Variants in RBFOX1 observed in about 807,000 individuals in gnomAD.
The protein encoded by RBFOX1 is RNA binding protein fox-1 homolog 1.
A neutral mutation model predicts 57.7 loss-of-function variants in RBFOX1; 8 were observed. The observed-to-expected ratio is 0.14, with a 90% confidence interval of 0.08 to 0.25. The LOEUF (loss-of-function observed/expected upper bound fraction) is 0.25. Ranked by LOEUF, RBFOX1 falls within the 10% of genes least tolerant of loss-of-function variation. The pLI is 1.00. For missense variants in RBFOX1, 611 were observed against 548.5 expected (o/e 1.11, Z -1.14); for synonymous variants, 326 against 222.4 (o/e 1.47, Z -4.15).
intron 3 of RBFOX1, among the ~76,000 whole-genome samples, chr16:6,697,263 G>A (rs2061194454): frequency 6.6e-6 from 1 of 152,136 alleles, no homozygotes; most frequent in Admixed American, 6.6e-5. Context: ...TAAATTTTCT[G>A]CATCTTAAGT....
At chr16:5,640,018 G>T (rs188505557) in intron 3 of RBFOX1, among the ~76,000 whole-genome samples, 56 of 152,302 alleles carry the variant, frequency 3.7e-4, no homozygotes, top group African/African-American at 1.3e-3. Flanking sequence ...TCCCCGTGGT[G>T]CTGGGTGCTG....
At chr16:7,107,738 G>A (rs1473652712) in intron 4 of RBFOX1, among the ~76,000 whole-genome samples, 2 of 152,032 alleles carry the variant, frequency 1.3e-5, no homozygotes, top group African/African-American at 4.8e-5. Flanking sequence ...AGGAGGTGGA[G>A]TTACTTTTTA....
chr16:6,974,958 A>G (rs916154950), intron 3 of RBFOX1, among the ~76,000 whole-genome samples: 1 of 152,156 alleles, frequency 6.6e-6, no homozygotes, highest in African/African-American at 2.4e-5. Flanking sequence ...GATTGTTCTA[A>G]AAGAATCTTC....
intron 4 of RBFOX1, among the ~76,000 whole-genome samples, chr16:7,197,782 G>C (rs1407168640): frequency 6.6e-6 from 1 of 152,074 alleles, no homozygotes; most frequent in Non-Finnish European, 1.5e-5. Context: ...CTACAATGTA[G>C]ATGAGAGCAT....
chr16:6,887,775 G>C (rs2064445039), intron 3 of RBFOX1, among the ~76,000 whole-genome samples: 1 of 151,772 alleles, frequency 6.6e-6, no homozygotes, highest in African/African-American at 2.4e-5. Context: ...TGATTCTCCA[G>C]CCTCAGCCTC....
chr16:6,336,091 G>C (rs2083624921), intron 2 of RBFOX1, among the ~76,000 whole-genome samples: 1 of 131,460 alleles, frequency 7.6e-6, no homozygotes, highest in Non-Finnish European at 1.6e-5. Flanking sequence ...ACAACAAATG[G>C]ATACTTGCAA....
intron 3 of RBFOX1, among the ~76,000 whole-genome samples, chr16:6,666,450 G>T (rs2098733319): frequency 6.8e-6 from 1 of 147,700 alleles, no homozygotes; most frequent in African/African-American, 2.5e-5. Context: ...TGAGTTAGGA[G>T]AATCACTTGA....
At position 6,986,388 on chromosome 16, in the gene RBFOX1, G is replaced by A. The variant is rs528000345; in HGVS notation, c.-15-65669G>A. On this transcript the variant is annotated intron_variant, in intron 3 of 15. Transcript: ENST00000550418. ...TAATTTTCCTGTTTCTAGTAGAGAC[G>A]GGGTTTCACCATGTTGGCCAGGCTG... Among the ~76,000 whole-genome samples the A allele has an allele frequency of 7.9e-5, 12 of 151,878 alleles. No homozygotes were observed. The South Asian group carries it at 2.3e-3, about 29-fold the overall frequency.
At chr16:7,702,526 TTTATGATTGAC>T (rs2081091848) in intron 14 of RBFOX1, among the ~76,000 whole-genome samples, 1 of 152,188 alleles carries the variant, frequency 6.6e-6, no homozygotes, top group Non-Finnish European at 1.5e-5. Flanking sequence ...CCCATAACAG[TTTATGATTGAC>T]AACGGATTCA....
intron 3 of RBFOX1, among the ~76,000 whole-genome samples, chr16:6,870,871 C>G (rs911653613): frequency 1.3e-5 from 2 of 152,134 alleles, no homozygotes; most frequent in Non-Finnish European, 2.9e-5. Context: ...AAGGCCCTAA[C>G]TTTGAGAGAC....
At chr16:5,297,747 A>G (rs2063703553) in intron 1 of RBFOX1, among the ~76,000 whole-genome samples, 1 of 152,206 alleles carries the variant, frequency 6.6e-6, no homozygotes, top group East Asian at 1.9e-4. Context: ...ATTTAGGACA[A>G]ATGTTACTGG....
chr16:7,124,535 T>G (rs62014157), intron 4 of RBFOX1, among the ~76,000 whole-genome samples: 1 of 36,530 alleles, frequency 2.7e-5, no homozygotes, highest in Non-Finnish European at 5.2e-5. Context: ...CCCTCCTTCC[T>G]TCCCTCTCTC....
intron 2 of RBFOX1, among the ~76,000 whole-genome samples, chr16:6,559,170 TAC>T (rs148905942): frequency 0.072 from 10,874 of 151,798 alleles, 874 homozygotes; most frequent in African/African-American, 0.2. Context: ...TGTTTGTGTG[TAC>T]ATATATATAT....
chr16:6,680,740 G>C (rs1290194549), intron 3 of RBFOX1, among the ~76,000 whole-genome samples: 1 of 152,118 alleles, frequency 6.6e-6, no homozygotes, highest in African/African-American at 2.4e-5. Context: ...TTACATGTTT[G>C]TGTTTTATCT....
intron 14 of RBFOX1, among the ~76,000 whole-genome samples, chr16:7,688,555 T>G (rs1044360272): frequency 8.1e-4 from 123 of 152,150 alleles, no homozygotes; most frequent in African/African-American, 2.9e-3. Flanking sequence ...AATTTAACTC[T>G]GAGAATTCAG....
At chr16:6,164,555 C>T (rs1380793356) in intron 1 of RBFOX1, among the ~76,000 whole-genome samples, 2 of 151,516 alleles carry the variant, frequency 1.3e-5, no homozygotes, top group African/African-American at 4.9e-5. Context: ...CAACCTCTGC[C>T]TCTCAGATTC....
Position 7,278,638 on chromosome 16 carries a change from T to C in RBFOX1, c.27+226540T>C, listed in dbSNP as rs1399197640. Reference sequence around the variant, plus strand: ...CCTACATTCTCTATAACCAGTCTTTTTGCAAGTCTGCAATTCATATCAAAA... The same window carrying C: ...CCTACATTCTCTATAACCAGTCTTTCTGCAAGTCTGCAATTCATATCAAAA... On this transcript the variant is annotated intron_variant, in intron 4 of 15. Coordinates refer to ENST00000550418, the MANE Select transcript of RBFOX1 (RefSeq NM_018723.4). 2.0e-5 allele frequency among the ~76,000 whole-genome samples: 3 copies of C among 152,366 alleles called. No individual in the cohort carries two copies. In the East Asian group the frequency reaches 5.8e-4, roughly 29 times the overall value.
intron 3 of RBFOX1, among the ~76,000 whole-genome samples, chr16:6,963,908 C>G (rs919633211): frequency 6.6e-6 from 1 of 152,106 alleles, no homozygotes; most frequent in Non-Finnish European, 1.5e-5. Context: ...CTGTGTTAGC[C>G]AAGACGGTGT....
chr16:7,534,207 C>A (rs1307606591), intron 5 of RBFOX1, among the ~76,000 whole-genome samples: 1 of 151,528 alleles, frequency 6.6e-6, no homozygotes, highest in African/African-American at 2.4e-5. Flanking sequence ...CTGCCTCAGC[C>A]TCCTGAATAG....
Sources: gnomAD v4.1 joint callset for allele counts (sites outside exome capture counted in the v4.1 genomes callset) on GRCh38, gnomAD v4.1.1 for gene constraint, MANE v1.5 for transcripts, NCBI Gene and HGNC (gene_info 2026-07-23, HGNC 2026-07-21) for gene names.